The following PLXNA2 variants were observed in gnomAD, a reference collection of about 807,000 sequenced individuals.
The protein encoded by PLXNA2 is plexin A2.
In PLXNA2, 91 loss-of-function variants were observed where a neutral mutation model predicts 193.5. The ratio of observed to expected loss-of-function variants is 0.47; its 90% CI spans 0.40 to 0.56. PLXNA2 has a LOEUF of 0.56. Among genes scored for constraint, PLXNA2 ranks in the 20% least tolerant of loss-of-function variants. PLXNA2 has a pLI of 0.00. For synonymous variants in PLXNA2, 997 were observed against 1,027.3 expected (o/e 0.97, Z 0.56); for missense variants, 1,995 against 2,503.2 (o/e 0.80, Z 4.33).
intron 4 of PLXNA2, among the ~76,000 whole-genome samples, chr1:208,137,031 C>T (rs1668321846): frequency 1.3e-5 from 2 of 152,178 alleles, no homozygotes; most frequent in Admixed American, 6.5e-5. Context: ...AAACCATATA[C>T]TTAGTAAGTG....
At position 208,028,711 on chromosome 1, in the gene PLXNA2, G is replaced by C; in HGVS notation, c.5438+119C>G. The C allele has an allele frequency of 2.3e-6, 2 of 874,510 alleles. No homozygotes were observed. Among genetic ancestry groups the C allele is most frequent in the Admixed American group, 5.4e-5 (2 of 36,774 alleles). The allele number at this position is 874,510 out of a possible 1,614,324, so 54.2% of individuals were successfully genotyped here. A position where few individuals can be genotyped will look rare whatever the true frequency, so the allele number is the denominator to read the frequency against. ...AGCAGGGGGTGTGGCAGGGAGGGGA[G>C]TGGGAGGTCCTGAAGAGATGACAGA... On this transcript the variant is annotated intron_variant, in intron 30 of 31. Transcript: ENST00000367033. The surrounding 1 kb of genome is among the most constrained non-coding windows in gnomAD (Gnocchi z 4.2).
In PLXNA2 at chr1:208,051,465, G is replaced by A. The variant is rs1571863923; in HGVS notation, c.2994-42C>T. Reference sequence around the variant, plus strand: ...AGGAGGGTTGAGAAGAAAGGCATGGGCAACAAGAGGTGCCCACTGGCTTGA... The same window carrying A: ...AGGAGGGTTGAGAAGAAAGGCATGGACAACAAGAGGTGCCCACTGGCTTGA... On this transcript the variant is annotated intron_variant, in intron 15 of 31. Transcript: ENST00000367033. 2.6e-6 allele frequency: 4 copies of A among 1,561,804 alleles called. No individual in the cohort carries two copies. In the Admixed American group the frequency reaches 7.8e-5, roughly 30 times the overall value.
intron 17 of PLXNA2, among the ~76,000 whole-genome samples, chr1:208,047,393 A>G (rs540675730): frequency 6.4e-4 from 98 of 152,348 alleles, no homozygotes; most frequent in African/African-American, 2.3e-3. Flanking sequence ...TCTGGTGCCA[A>G]CTAAAATCCT....
intron 10 of PLXNA2, among the ~76,000 whole-genome samples, chr1:208,083,063 C>T (rs1666398495): frequency 6.6e-6 from 1 of 152,316 alleles, no homozygotes; most frequent in African/African-American, 2.4e-5. Context: ...TCTTACTACT[C>T]TTGTAAGGCC....
At position 208,210,406 on chromosome 1, in the gene PLXNA2, G is replaced by A. The variant is rs144260713; in HGVS notation, c.1245C>T (p.Gly415=). The A allele has an allele frequency of 8.9e-5, 144 of 1,614,028 alleles. No individual in the cohort carries two copies. In the African/African-American group the frequency reaches 1.7e-3, roughly 20 times the overall value. The change falls in exon 3 of 32, where the codon GGC becomes GGT. Residue 415 remains glycine, a synonymous_variant. Transcript: ENST00000367033. The part of the protein sequence containing the change: ...CGLDINQPLG[G]STPVEGLTLY... The stretch of plus-strand genomic sequence containing the variant: ...GGGTCAGGCCCTCCACTGGAGTTGA[G>A]CCTCCCAGGGGCTGGTTGATGTCCA...
In PLXNA2 at chr1:208,039,975, C is replaced by T; in HGVS notation, c.4353+17G>A. On this transcript the variant is annotated intron_variant, in intron 23 of 31. Coordinates refer to ENST00000367033, the MANE Select transcript of PLXNA2 (RefSeq NM_025179.4). Reference sequence around the variant, plus strand: ...TCCTGCCCTGGACGCTAGGCCCCGTCTCACTCCCTTTCTCACCTTTAGGAA... The same window carrying T: ...TCCTGCCCTGGACGCTAGGCCCCGTTTCACTCCCTTTCTCACCTTTAGGAA... The T allele has an allele frequency of 6.2e-7, 1 of 1,613,342 alleles. No individual in the cohort carries two copies. Among genetic ancestry groups the T allele is most frequent in the Non-Finnish European group, 8.5e-7 (1 of 1,179,246 alleles).
At chr1:208,190,438 T>C (rs543830699) in intron 3 of PLXNA2, among the ~76,000 whole-genome samples, 1 of 152,370 alleles carries the variant, frequency 6.6e-6, no homozygotes, top group African/African-American at 2.4e-5. Context: ...AGTACCTATG[T>C]TGCAGGGCTG....
intron 3 of PLXNA2, among the ~76,000 whole-genome samples, chr1:208,152,608 C>T (rs1339252694): frequency 6.6e-6 from 1 of 151,438 alleles, no homozygotes; most frequent in Non-Finnish European, 1.5e-5. Flanking sequence ...TTATGATGAA[C>T]ATACACTACT....
intron 12 of PLXNA2, among the ~76,000 whole-genome samples, chr1:208,076,531 C>A (rs903611161): frequency 2.0e-5 from 3 of 152,162 alleles, no homozygotes; most frequent in African/African-American, 7.2e-5. Context: ...GTGTCAGGTG[C>A]CCTGTTGATA....
chr1:208,153,298 G>A (rs956282787), intron 3 of PLXNA2, among the ~76,000 whole-genome samples: 1 of 152,214 alleles, frequency 6.6e-6, no homozygotes, highest in African/African-American at 2.4e-5. Flanking sequence ...AGGCTGAGAT[G>A]AGGAAACGGA....
At chr1:208,062,517 A>G (rs559681608) in intron 12 of PLXNA2, among the ~76,000 whole-genome samples, 1 of 152,246 alleles carries the variant, frequency 6.6e-6, no homozygotes, top group Admixed American at 6.5e-5. Flanking sequence ...CTGCCTGTCT[A>G]TCCTCCGTAG....
chr1:208,127,064 G>A (rs941932708), intron 4 of PLXNA2, among the ~76,000 whole-genome samples: 4 of 152,256 alleles, frequency 2.6e-5, no homozygotes, highest in African/African-American at 7.2e-5. Flanking sequence ...AGCTTGGGAA[G>A]CAGGGAGCTG....
chr1:208,070,940 C>T (rs896862852), intron 12 of PLXNA2, among the ~76,000 whole-genome samples: 5 of 152,092 alleles, frequency 3.3e-5, no homozygotes, highest in South Asian at 2.1e-4. Context: ...TTTGTTTTCA[C>T]GAGCGTCCTG....
chr1:208,043,980 C>A (rs1310584303), intron 20 of PLXNA2, among the ~76,000 whole-genome samples: 3 of 152,256 alleles, frequency 2.0e-5, no homozygotes, highest in Non-Finnish European at 4.4e-5. Flanking sequence ...AAAACACAAT[C>A]TGCACTCCCA....
rs542621445 is a variant in PLXNA2, at chr1:208,066,300, A to C, written c.2587-5463T>G. 2.1e-3 allele frequency among the ~76,000 whole-genome samples: 325 copies of C among 152,334 alleles called. 1 individual carries two copies. The highest frequency in any genetic ancestry group is 6.8e-3 in the Middle Eastern group (2 of 294). ...CTGTTGGGTTGGGGCGAAAGGGGTC[A>C]CTGAGGCTTTCCCCTCTGTGCTGTG... On this transcript the variant is annotated intron_variant, in intron 12 of 31. Coordinates refer to ENST00000367033, the MANE Select transcript of PLXNA2 (RefSeq NM_025179.4).
At chr1:208,058,318 G>A (rs1665507315) in intron 13 of PLXNA2, among the ~76,000 whole-genome samples, 1 of 152,228 alleles carries the variant, frequency 6.6e-6, no homozygotes. Flanking sequence ...CCACAGACCT[G>A]TGGGGTGCTG....
At position 208,200,677 on chromosome 1, in the gene PLXNA2, C is replaced by T. The variant is rs531917160; in HGVS notation, c.1371+9603G>A. On this transcript the variant is annotated intron_variant, in intron 3 of 31. Transcript: ENST00000367033. ...TACAATCTTGGCTCCCTGCAACCTC[C>T]GCCTCCCGGCTTCAAGCGATTCTCC... Among the ~76,000 whole-genome samples, 23 of 151,610 alleles carry T rather than the reference C, an allele frequency of 1.5e-4. 1 individual carries two copies. The South Asian group carries it at 4.0e-3, about 26-fold the overall frequency.
intron 3 of PLXNA2, among the ~76,000 whole-genome samples, chr1:208,200,577 C>CTTTTTTTTTTTTTTTTTTTTTT (rs36026400): frequency 2.6e-5 from 3 of 113,998 alleles, no homozygotes; most frequent in Non-Finnish European, 5.0e-5. Flanking sequence ...CCCAATCCTT[C>CTTTTTTTTTTTTTTTTTTTTTT]TTTTTTTTTT....
In PLXNA2 at chr1:208,031,736, G is replaced by A. The variant is rs767094642; in HGVS notation, c.5079C>T (p.Asp1693=). The change falls in exon 29 of 32, where the codon GAC becomes GAT. Residue 1693 remains aspartate, a synonymous_variant. Transcript: ENST00000367033. ...TGCTGAACAAGGTCTCAAACAAGTCGTCCACAAACTTCTGCAGGGTGCCCT... is the reference window on the plus strand; with the variant it reads ...TGCTGAACAAGGTCTCAAACAAGTCATCCACAAACTTCTGCAGGGTGCCCT... ...ATKGTLQKFV[D]DLFETLFSTV... is the part of the protein sequence containing the mutation. 112 of 1,607,390 alleles carry A rather than the reference G, an allele frequency of 7.0e-5. No homozygotes were observed. Among genetic ancestry groups the A allele is most frequent in the African/African-American group, 1.9e-4 (14 of 74,340 alleles).
Sources: gnomAD v4.1 joint callset for allele counts (sites outside exome capture counted in the v4.1 genomes callset) on GRCh38, gnomAD v4.1.1 for gene constraint, Gnocchi (gnomAD v3.1) non-coding constraint, MANE v1.5 for transcripts, NCBI Gene and HGNC (gene_info 2026-07-23, HGNC 2026-07-21) for gene names.